WDR59: variants seen among roughly 807,000 people sequenced by gnomAD.
WDR59 encodes GATOR2 complex protein WDR59.
In WDR59, 100 loss-of-function variants were observed where a neutral mutation model predicts 131.2. The ratio of observed to expected loss-of-function variants is 0.76; its 90% confidence interval spans 0.65 to 0.90. The LOEUF (loss-of-function observed/expected upper bound fraction) is 0.90. Among genes scored for constraint, WDR59 ranks in the 40% least tolerant of loss-of-function variants. The pLI is 0.00. For missense variants in WDR59, 1,203 were observed against 1,262.2 expected, an observed-to-expected ratio of 0.95 and a Z score of 0.71; for synonymous variants, 601 against 466.2, an observed-to-expected ratio of 1.29 and a Z score of -3.72.
intron 10 of WDR59, 117 bp from the exon 11 acceptor site, chr16:74,918,125 T>A: frequency 1.1e-6 from 1 of 941,490 alleles, no homozygotes; most frequent in African/African-American, 1.6e-5. Context: ...TGAACATTTC[T>A]CATATGCCAG....
intron 8 of WDR59, among the ~76,000 whole-genome samples, chr16:74,930,566 T>C (rs4887794): frequency 2.0e-5 from 3 of 151,856 alleles, no homozygotes; most frequent in Non-Finnish European, 4.4e-5. Context: ...AAACAAACTT[T>C]ATGAAAGTTT....
At chr16:74,971,236 A>G (rs1245102451) in intron 1 of WDR59, among the ~76,000 whole-genome samples, 1 of 152,024 alleles carries the variant, frequency 6.6e-6, no homozygotes, top group Non-Finnish European at 1.5e-5. Context: ...CGTTTCGTTA[A>G]TACCTCCTAG....
chr16:74,878,962 G>A (rs768623947), intron 25 of WDR59, among the ~76,000 whole-genome samples: 1 of 152,184 alleles, frequency 6.6e-6, no homozygotes, highest in Non-Finnish European at 1.5e-5. Flanking sequence ...TAGAAACTTA[G>A]AGAAAACATG....
intron 2 of WDR59, among the ~76,000 whole-genome samples, chr16:74,958,036 C>T (rs1244518645): frequency 6.6e-6 from 1 of 152,168 alleles, no homozygotes; most frequent in African/African-American, 2.4e-5. Context: ...ATCGTCCCAT[C>T]AGAAGAACAA....
intron 1 of WDR59, among the ~76,000 whole-genome samples, chr16:74,967,236 T>A (rs1013504938): frequency 1.3e-5 from 2 of 152,164 alleles, no homozygotes; most frequent in South Asian, 2.1e-4. Context: ...GTGATTAACA[T>A]GCATCCTTCA....
chr16:74,942,564 C>T (rs2145098680), intron 7 of WDR59, among the ~76,000 whole-genome samples, 174 bp downstream of exon 7: 1 of 152,216 alleles, frequency 6.6e-6, no homozygotes, highest in South Asian at 2.1e-4. Flanking sequence ...TAGTTTCCTT[C>T]AACACTGGAT....
At chr16:74,930,975 A>G (rs1359637040) in intron 8 of WDR59, among the ~76,000 whole-genome samples, 2 of 151,216 alleles carry the variant, frequency 1.3e-5, no homozygotes, top group African/African-American at 2.4e-5. Flanking sequence ...TCCATCTCCA[A>G]AAAAAAAGGA....
intron 7 of WDR59, among the ~76,000 whole-genome samples, chr16:74,940,100 C>G (rs1182228244): frequency 6.6e-6 from 1 of 152,144 alleles, no homozygotes; most frequent in Non-Finnish European, 1.5e-5. Context: ...ACACACTGGC[C>G]AGGCGCAGTG....
chr16:74,936,119 G>C (rs2031779305), intron 8 of WDR59, among the ~76,000 whole-genome samples: 1 of 151,998 alleles, frequency 6.6e-6, no homozygotes, highest in South Asian at 2.1e-4. Flanking sequence ...ACTTTGTATG[G>C]GGAAATAATG....
rs1261770150 is a variant in WDR59 at position 74,893,651 on chromosome 16, T to G, written c.2000+28A>C. On this transcript the variant is annotated intron_variant, in intron 19 of 25. Transcript: ENST00000262144. ...TTGCTAATCCTGGCTAAATGATGAG[T>G]GCAGCAGACTTGAAATTTTGTACTT... 5 of 1,610,382 alleles carry G rather than the reference T, an allele frequency of 3.1e-6. No individual in the cohort carries two copies. In the African/African-American group the frequency reaches 5.4e-5, roughly 17 times the overall value.
intron 25 of WDR59, among the ~76,000 whole-genome samples, chr16:74,884,037 T>C (rs377600332): frequency 1.0e-3 from 155 of 152,356 alleles, no homozygotes; most frequent in African/African-American, 3.6e-3. Flanking sequence ...GCTGGAAATC[T>C]AGGAATCGTC....
chr16:74,948,777 G>A (rs568086842), intron 5 of WDR59, among the ~76,000 whole-genome samples: 5 of 152,216 alleles, frequency 3.3e-5, no homozygotes, highest in African/African-American at 1.2e-4. Flanking sequence ...TAAGGTGGGC[G>A]GATCACCCGA....
chr16:74,942,901 G>A, intron 6 of WDR59, 75 bp from the exon 7 acceptor site: 1 of 1,340,802 alleles, frequency 7.5e-7, no homozygotes, highest in African/African-American at 1.5e-5. Context: ...AGCCAGGGGA[G>A]CTGGATAATG....
At chr16:74,915,331 A>G (rs543455186) in intron 13 of WDR59, 20 of 153,516 alleles carry the variant, frequency 1.3e-4, no homozygotes, top group African/African-American at 4.8e-4. Flanking sequence ...GCACACGAGC[A>G]TCAGGTTCTC....
intron 2 of WDR59, among the ~76,000 whole-genome samples, chr16:74,960,454 G>C (rs1481018509): frequency 6.6e-6 from 1 of 150,908 alleles, no homozygotes; most frequent in Non-Finnish European, 1.5e-5. Context: ...AGAATGAGAA[G>C]AGAAAATGAG....
Position 74,949,587 on chromosome 16 carries a change from C to T in WDR59, c.407+131G>A, listed in dbSNP as rs145795278. 4.0e-4 allele frequency: 278 copies of T among 703,400 alleles called. No individual in the cohort carries two copies. The African/African-American group carries it at 4.3e-3, about 11-fold the overall frequency. 43.6% of individuals were successfully genotyped at this position (703,400 alleles called of 1,614,324 possible). On this transcript the variant is annotated intron_variant, in intron 5 of 25. Transcript: ENST00000262144. ...CTTTCACTCTCAAATAATATATTTG[C>T]GCTCAAATCTCTCACTCAAACTTGT...
rs1403343436 is a variant in WDR59 at position 74,981,635 on chromosome 16, TATATATATATATATATATATATA to T, written c.54+3306_54+3328del. On this transcript the variant is annotated intron_variant, in intron 1 of 25. Coordinates refer to ENST00000262144, the MANE Select transcript of WDR59 (RefSeq NM_030581.4). The stretch of plus-strand genomic sequence containing the variant: ...TTACATATATATATATATATATATA[TATATATATATATATATATATATA>T]TATTTTTTTTTTTTTTAGATGGAGT... 3.2e-3 allele frequency among the ~76,000 whole-genome samples: 83 copies of T among 25,732 alleles called. 7 individuals are homozygous for T. In the East Asian group the frequency reaches 0.041, roughly 13 times the overall value. The allele number at this position is 25,732 out of a possible 152,430, so 16.9% of individuals were successfully genotyped here. A position where few individuals can be genotyped will look rare whatever the true frequency, so the allele number is the denominator to read the frequency against.
At chr16:74,894,524 A>T (rs1965196682) in intron 18 of WDR59, among the ~76,000 whole-genome samples, 1 of 152,224 alleles carries the variant, frequency 6.6e-6, no homozygotes, top group Non-Finnish European at 1.5e-5. Flanking sequence ...AACTTGAATT[A>T]TCAGAGCACA....
At chr16:74,981,767 T>C (rs1367817871) in intron 1 of WDR59, among the ~76,000 whole-genome samples, 1 of 140,066 alleles carries the variant, frequency 7.1e-6, no homozygotes, top group Non-Finnish European at 1.5e-5. Context: ...GCTATTCTCC[T>C]GCCTTAGCCT....
Sources: allele counts gnomAD v4.1 joint callset (sites outside exome capture counted in the v4.1 genomes callset), GRCh38; gene constraint gnomAD v4.1.1; transcripts MANE v1.5; gene names NCBI Gene and HGNC (gene_info 2026-07-23, HGNC 2026-07-21).